Variants in DARS1 observed in about 807,000 individuals in gnomAD.
DARS1 encodes aspartate--tRNA ligase, cytoplasmic.
A neutral mutation model predicts 68.8 loss-of-function variants in DARS1; 51 were observed. The observed-to-expected ratio is 0.74, with a 90% CI of 0.59 to 0.94. The LOEUF (loss-of-function observed/expected upper bound fraction) is 0.94. Among genes scored for constraint, DARS1 ranks in the 40% least tolerant of loss-of-function variants. DARS1 has a pLI of 0.00. For synonymous variants in DARS1, 203 were observed against 190.4 expected, an observed-to-expected ratio of 1.07 and a Z score of -0.55; for missense variants, 607 against 597.3, an observed-to-expected ratio of 1.02 and a Z score of -0.17.
At chr2:135,970,124 C>T (rs1217751024) in intron 3 of DARS1, among the ~76,000 whole-genome samples, 2 of 151,940 alleles carry the variant, frequency 1.3e-5, no homozygotes, top group Non-Finnish European at 2.9e-5. Flanking sequence ...TAACTACAGT[C>T]GCAGCTACTT....
chr2:135,982,562 C>G (rs1485154483), intron 2 of DARS1, among the ~76,000 whole-genome samples: 2 of 151,238 alleles, frequency 1.3e-5, no homozygotes, highest in East Asian at 3.9e-4. Context: ...TGCCACTGCA[C>G]TCCAGCCTGG....
At chr2:135,984,441 T>C (rs1395520427) in intron 1 of DARS1, among the ~76,000 whole-genome samples, 1 of 152,194 alleles carries the variant, frequency 6.6e-6, no homozygotes, top group Admixed American at 6.5e-5. Context: ...GGATTTTGTG[T>C]TTACACCAAA....
upstream of DARS1, chr2:135,985,637 G>C: frequency 7.0e-7 from 1 of 1,437,894 alleles, no homozygotes. Flanking sequence ...CGCGAGAGCT[G>C]CGGCTATCTC....
intron 4 of DARS1, among the ~76,000 whole-genome samples, chr2:135,954,751 G>A (rs1319323407): frequency 6.6e-6 from 1 of 151,976 alleles, no homozygotes; most frequent in African/African-American, 2.4e-5. Flanking sequence ...ATGTGGTAGG[G>A]GATGGGTTTT....
intron 10 of DARS1, 131 bp from the exon 11 acceptor site, chr2:135,916,503 TAAAG>T (rs1681009184): frequency 2.2e-6 from 1 of 454,046 alleles, no homozygotes; most frequent in Admixed American, 3.6e-5. Flanking sequence ...ATCAAATTAT[TAAAG>T]AATGAAATTT....
intron 4 of DARS1, among the ~76,000 whole-genome samples, chr2:135,953,774 G>GA (rs1305324410): frequency 6.6e-6 from 1 of 152,110 alleles, no homozygotes; most frequent in African/African-American, 2.4e-5. Context: ...TATAGTGGAA[G>GA]AGACAAACTC....
chr2:135,931,936 CAAAT>C (rs1279981027), intron 7 of DARS1, among the ~76,000 whole-genome samples: 1 of 151,920 alleles, frequency 6.6e-6, no homozygotes, highest in African/African-American at 2.4e-5. Flanking sequence ...CTAGCAAGGG[CAAAT>C]AAATAAAGAA....
chr2:135,915,108 T>TA (rs1558777198), intron 11 of DARS1, among the ~76,000 whole-genome samples: 19 of 151,400 alleles, frequency 1.3e-4, no homozygotes, highest in African/African-American at 2.9e-4. Context: ...ATATATATAT[T>TA]TTTTTTTGTT....
intron 5 of DARS1, among the ~76,000 whole-genome samples, chr2:135,934,780 A>C (rs1681428802): frequency 6.6e-6 from 1 of 151,778 alleles, no homozygotes; most frequent in Admixed American, 6.6e-5. Context: ...AGCAATTAAC[A>C]TATGACTTGC....
intron 1 of DARS1, among the ~76,000 whole-genome samples, chr2:135,984,557 AAGG>A (rs1363558551): frequency 6.6e-6 from 1 of 152,210 alleles, no homozygotes; most frequent in Non-Finnish European, 1.5e-5. Flanking sequence ...AGGGCAACAG[AAGG>A]AGATTAAATT....
chr2:135,966,104 T>C (rs886563118), intron 3 of DARS1, among the ~76,000 whole-genome samples: 4 of 152,012 alleles, frequency 2.6e-5, no homozygotes, highest in African/African-American at 9.7e-5. Context: ...ATCCTTTTTG[T>C]GCAAATTTAA....
intron 3 of DARS1, among the ~76,000 whole-genome samples, chr2:135,975,272 G>C (rs913605302): frequency 2.0e-5 from 3 of 152,144 alleles, no homozygotes; most frequent in African/African-American, 7.2e-5. Context: ...GTGAACCTGG[G>C]AGGCGGAGTT....
chr2:135,913,899 G>T (rs909238691), intron 12 of DARS1, among the ~76,000 whole-genome samples: 6 of 152,210 alleles, frequency 3.9e-5, no homozygotes, highest in Non-Finnish European at 8.8e-5. Context: ...AATATTGTAT[G>T]ACTTCAGAAA....
Position 135,924,429 on chromosome 2 carries a change from T to C in DARS1, c.634A>G (p.Asn212Asp). Residue 212 changes from asparagine to aspartate, a missense_variant, in exon 8 of 16, where the codon AAC becomes GAC. Coordinates refer to ENST00000264161, the MANE Select transcript of DARS1 (RefSeq NM_001349.4). ...ICHLFRETLI[N>D]KGFVEIQTPK... ...GTTTGGATTTCCACAAAACCTTTGT[T>C]AATTAAAGTTTCTCGGAAGAGATGG... 6.2e-7 allele frequency: 1 copy of C among 1,607,224 alleles called. No individual in the cohort carries two copies. Among genetic ancestry groups the C allele is most frequent in the Non-Finnish European group, 8.5e-7 (1 of 1,178,268 alleles).
chr2:135,923,258 TA>T (rs1681143187), intron 8 of DARS1, among the ~76,000 whole-genome samples: 1 of 152,176 alleles, frequency 6.6e-6, no homozygotes, highest in Non-Finnish European at 1.5e-5. Flanking sequence ...TTTCCTCTTT[TA>T]AAAAAATTTC....
In DARS1 at chr2:135,945,143, T is replaced by G. The variant is rs74266318; in HGVS notation, c.321-1663A>C. On this transcript the variant is annotated intron_variant, in intron 4 of 15. Transcript: ENST00000264161. ...GTCAAACACATCTACTTTTTTTTTT[T>G]TGAGACAGGGTCTTGTCTCTGTCAC... Among the ~76,000 whole-genome samples the G allele has an allele frequency of 7.6e-3, 1,159 of 152,242 alleles. 97 individuals carry two copies. In the East Asian group the frequency reaches 0.19, roughly 26 times the overall value.
In DARS1 at chr2:135,982,107, A is replaced by C. The variant is rs573850972; in HGVS notation, c.124+1290T>G. 2.3e-3 allele frequency among the ~76,000 whole-genome samples: 348 copies of C among 152,330 alleles called. 1 individual carries two copies. Among genetic ancestry groups the C allele is most frequent in the African/African-American group, 8.0e-3 (332 of 41,574 alleles). On this transcript the variant is annotated intron_variant, in intron 2 of 15. Transcript: ENST00000264161. ...GTGCTTCCAATGGGCAAGAATGTAAACGTCTACAATTACTGCACCAAAGAG... is the reference window on the plus strand; with the variant it reads ...GTGCTTCCAATGGGCAAGAATGTAACCGTCTACAATTACTGCACCAAAGAG...
chr2:135,969,146 T>C (rs907333714), intron 3 of DARS1, among the ~76,000 whole-genome samples: 2 of 152,152 alleles, frequency 1.3e-5, no homozygotes, highest in East Asian at 1.9e-4. Flanking sequence ...TTCATTTCTA[T>C]ACACCCATCT....
intron 10 of DARS1, among the ~76,000 whole-genome samples, chr2:135,919,662 T>C (rs1033816567): frequency 6.6e-6 from 1 of 152,230 alleles, no homozygotes; most frequent in African/African-American, 2.4e-5. Flanking sequence ...CAACTTTCAA[T>C]GACCTGTAAA....
Sources: allele counts gnomAD v4.1 joint callset (sites outside exome capture counted in the v4.1 genomes callset), GRCh38; gene constraint gnomAD v4.1.1; transcripts MANE v1.5; gene names NCBI Gene and HGNC (gene_info 2026-07-23, HGNC 2026-07-21).